Variants in DERA observed in about 807,000 individuals in gnomAD.
DERA encodes the protein deoxyribose-phosphate aldolase.
A neutral mutation model predicts 41.1 loss-of-function variants in DERA; 15 were observed. The observed-to-expected ratio is 0.37, with a 90% confidence interval of 0.24 to 0.56. The LOEUF is 0.56. DERA is among the 20% of genes least tolerant of loss of function. The probability of loss-of-function intolerance (pLI) is 0.81; values close to 1 mark genes in which losing one functional copy is unlikely to be tolerated. For missense variants in DERA, 396 were observed against 403.4 expected (o/e 0.98, Z 0.16); for synonymous variants, 139 against 137.4 (o/e 1.01, Z -0.08).
chr12:15,927,729 A>T (rs996723624), intron 1 of DERA, among the ~76,000 whole-genome samples: 1 of 152,324 alleles, frequency 6.6e-6, no homozygotes, highest in East Asian at 1.9e-4. Flanking sequence ...CAATCTGAAA[A>T]TTACTTTATA....
Position 15,958,237 on chromosome 12 carries a change from C to T in DERA, c.179C>T (p.Ser60Leu). 1 of 1,592,986 alleles carries T rather than the reference C, an allele frequency of 6.3e-7. No individual in the cohort carries two copies. The highest frequency in any genetic ancestry group is 8.6e-7 in the Non-Finnish European group (1 of 1,168,680). Reference protein sequence around the residue: ...AVTFIDLTTLSGDDTSSNIQR... With the variant: ...AVTFIDLTTLLGDDTSSNIQR... ...ACCTTTATAGATCTTACTACACTTT[C>T]AGGTGATGATACATCTTCCAACATT... The change falls in exon 3 of 9, where the codon TCA becomes TTA. Residue 60 changes from serine (S) to leucine (L), a missense_variant. By Grantham distance (145) the Ser-to-Leu change is moderately radical. Coordinates refer to ENST00000428559, the MANE Select transcript of DERA (RefSeq NM_015954.4).
chr12:15,930,903 G>A (rs1420876321), intron 1 of DERA, among the ~76,000 whole-genome samples: 3 of 152,090 alleles, frequency 2.0e-5, no homozygotes, highest in African/African-American at 7.2e-5. Context: ...GTAGTTTGTG[G>A]TAAGAGTAGG....
rs755679713 is a variant in DERA, at chr12:15,954,696, A to G, written c.32-2240A>G. 6.6e-6 allele frequency among the ~76,000 whole-genome samples: 1 copy of G among 152,110 alleles called. No individual in the cohort carries two copies. Among genetic ancestry groups the G allele is most frequent in the Non-Finnish European group, 1.5e-5 (1 of 68,022 alleles). The stretch of plus-strand genomic sequence containing the variant: ...GGAAGGAGCCAGATGGTGAAGGAAG[A>G]GGCTTGTGTTTGCCTGAGACCCCTC... On this transcript the variant is annotated intron_variant, in intron 1 of 8. Transcript: ENST00000428559. This position sits in a 1 kb window ranked among gnomAD's most constrained non-coding sequence, Gnocchi z 4.0.
chr12:15,995,812 GT>G lies in DERA; in HGVS notation c.637+13378del, dbSNP rs1383176741. Reference sequence around the variant, plus strand: ...AATTAGGAGGAGGAAAATCCTTGGGGTTGTAATATTATGTTCAAATACTTGG... The same window carrying G: ...AATTAGGAGGAGGAAAATCCTTGGGGTGTAATATTATGTTCAAATACTTGG... On this transcript the variant is annotated intron_variant, in intron 6 of 8. Transcript: ENST00000428559. The surrounding 1 kb of genome is among the most constrained non-coding windows in gnomAD (Gnocchi z 5.1). Among the ~76,000 whole-genome samples, 2 of 152,188 alleles carry G rather than the reference GT, an allele frequency of 1.3e-5. No individual in the cohort carries two copies. Among genetic ancestry groups the G allele is most frequent in the Non-Finnish European group, 2.9e-5 (2 of 68,034 alleles).
chr12:16,005,526 T>A (rs1948903595), intron 6 of DERA, among the ~76,000 whole-genome samples: 1 of 152,214 alleles, frequency 6.6e-6, no homozygotes, highest in African/African-American at 2.4e-5. Flanking sequence ...TATTTTCTGC[T>A]AAAACTGATT....
intron 6 of DERA, among the ~76,000 whole-genome samples, chr12:16,029,744 GGCTA>G: frequency 6.6e-6 from 1 of 151,810 alleles, no homozygotes; most frequent in Non-Finnish European, 1.5e-5. Context: ...GCTACTGCTG[GGCTA>G]CTGTTGCTGC....
rs1419842638 is a variant in DERA, at chr12:16,036,648, A to G, written c.901-42A>G. The stretch of plus-strand genomic sequence containing the variant: ...GTATAATTATTAACTGATGTGTATA[A>G]TTATAGAATGATTGTTAATTAAACT... On this transcript the variant is annotated intron_variant, in intron 8 of 8. Transcript: ENST00000428559. This position sits in a 1 kb window ranked among gnomAD's most constrained non-coding sequence, Gnocchi z 4.9. The G allele has an allele frequency of 7.1e-7, 1 of 1,413,178 alleles. No homozygotes were observed. 87.5% of individuals were successfully genotyped at this position (1,413,178 alleles called of 1,614,324 possible). A position where few individuals can be genotyped will look rare whatever the true frequency, so the allele number is the denominator to read the frequency against.
At chr12:15,950,042 G>T (rs1948485483) in intron 1 of DERA, among the ~76,000 whole-genome samples, 1 of 152,094 alleles carries the variant, frequency 6.6e-6, no homozygotes, top group Admixed American at 6.5e-5. Flanking sequence ...CCTTAGATAT[G>T]ACTGTTCACT....
Position 15,984,530 on chromosome 12 carries a change from C to T in DERA, c.637+2094C>T, listed in dbSNP as rs180753254. ...TTACCAGGTACATTGAAACAATATT[C>T]CTTCGTCCTCACATCAGTCCTGGAG... is the stretch of plus-strand genomic sequence containing the variant. On this transcript the variant is annotated intron_variant, in intron 6 of 8. Transcript: ENST00000428559. This position sits in a 1 kb window ranked among gnomAD's most constrained non-coding sequence, Gnocchi z 4.5. Among the ~76,000 whole-genome samples the T allele has an allele frequency of 2.9e-3, 445 of 152,226 alleles. 3 individuals carry two copies. The highest frequency in any genetic ancestry group is 3.7e-3 in the Non-Finnish European group (254 of 68,014).
At position 15,959,264 on chromosome 12, in the gene DERA, G is replaced by T. The variant is rs1417106614; in HGVS notation, c.278-565G>T. 6.6e-6 allele frequency among the ~76,000 whole-genome samples: 1 copy of T among 152,058 alleles called. No homozygotes were observed. Among genetic ancestry groups the T allele is most frequent in the African/African-American group, 2.4e-5 (1 of 41,432 alleles). On this transcript the variant is annotated intron_variant, in intron 3 of 8. Coordinates refer to ENST00000428559, the MANE Select transcript of DERA (RefSeq NM_015954.4). This position sits in a 1 kb window ranked among gnomAD's most constrained non-coding sequence, Gnocchi z 4.5. ...ACTTGATGTAAGGTCTTATGATATT[G>T]CTTTGTTTTATAGTGACTATTTGAA...
At chr12:16,015,489 C>T (rs1370011530) in intron 6 of DERA, among the ~76,000 whole-genome samples, 1 of 152,198 alleles carries the variant, frequency 6.6e-6, no homozygotes, top group East Asian at 1.9e-4. Flanking sequence ...TTTTCATCTT[C>T]TGTCATGATT....
At chr12:16,022,110 G>A (rs1295029319) in intron 6 of DERA, among the ~76,000 whole-genome samples, 2 of 152,226 alleles carry the variant, frequency 1.3e-5, no homozygotes, top group East Asian at 3.8e-4. Flanking sequence ...AATCCCCAAT[G>A]ATGGAGGCAG....
At position 15,957,073 on chromosome 12, in the gene DERA, A is replaced by C; in HGVS notation, c.129+40A>C. On this transcript the variant is annotated intron_variant, in intron 2 of 8. Transcript: ENST00000428559. The surrounding 1 kb of genome is among the most constrained non-coding windows in gnomAD (Gnocchi z 4.8). ...TGAGCATTCTGTGCCTGTATTTTAC[A>C]ATGCATGGTCTCTTCCCTCAAGGCC... 6.8e-7 allele frequency: 1 copy of C among 1,479,286 alleles called. No homozygotes were observed. The highest frequency in any genetic ancestry group is 9.4e-7 in the Non-Finnish European group (1 of 1,058,848). The allele number at this position is 1,479,286 out of a possible 1,614,324, so 91.6% of individuals were successfully genotyped here. A position where few individuals can be genotyped will look rare whatever the true frequency, so the allele number is the denominator to read the frequency against.
In DERA at chr12:15,940,840, G is replaced by A. The variant is rs908774091; in HGVS notation, c.32-16096G>A. Among the ~76,000 whole-genome samples the A allele has an allele frequency of 6.6e-5, 10 of 152,118 alleles. No individual in the cohort carries two copies. Among genetic ancestry groups the A allele is most frequent in the African/African-American group, 1.9e-4 (8 of 41,418 alleles). ...CTACTAATTTTTTGAGGTAGATACC[G>A]ATGCTTTTTAGCAGATTTAGGTCAT... is the stretch of plus-strand genomic sequence containing the variant. On this transcript the variant is annotated intron_variant, in intron 1 of 8. Coordinates refer to ENST00000428559, the MANE Select transcript of DERA (RefSeq NM_015954.4). The surrounding 1 kb of genome is among the most constrained non-coding windows in gnomAD (Gnocchi z 5.1).
Position 16,012,863 on chromosome 12 carries a change from A to C in DERA, c.638-19679A>C, listed in dbSNP as rs1948955896. On this transcript the variant is annotated intron_variant, in intron 6 of 8. Coordinates refer to ENST00000428559, the MANE Select transcript of DERA (RefSeq NM_015954.4). The surrounding 1 kb of genome is among the most constrained non-coding windows in gnomAD (Gnocchi z 4.1). The stretch of plus-strand genomic sequence containing the variant: ...AACAGTAATTATATTTTATTTAATA[A>C]ATCTGCAATATATCATTTTAATGTG... 6.6e-6 allele frequency among the ~76,000 whole-genome samples: 1 copy of C among 152,240 alleles called. No homozygotes were observed. The highest frequency in any genetic ancestry group is 1.5e-5 in the Non-Finnish European group (1 of 68,044).
At position 15,970,950 on chromosome 12, in the gene DERA, A is replaced by G. The variant is rs778557711; in HGVS notation, c.508+8003A>G. Among the ~76,000 whole-genome samples the G allele has an allele frequency of 2.0e-5, 3 of 152,240 alleles. No individual in the cohort carries two copies. Among genetic ancestry groups the G allele is most frequent in the African/African-American group, 7.2e-5 (3 of 41,468 alleles). On this transcript the variant is annotated intron_variant, in intron 5 of 8. Transcript: ENST00000428559. The surrounding 1 kb of genome is among the most constrained non-coding windows in gnomAD (Gnocchi z 4.3). ...TACCATCTTTATTCAGAAAGTCATT[A>G]TTTTTAGCAAAATGGGGCCAAGGCA...
At position 15,970,596 on chromosome 12, in the gene DERA, T is replaced by G. The variant is rs992278263; in HGVS notation, c.508+7649T>G. Among the ~76,000 whole-genome samples the G allele has an allele frequency of 6.6e-6, 1 of 152,144 alleles. No individual in the cohort carries two copies. Among genetic ancestry groups the G allele is most frequent in the Non-Finnish European group, 1.5e-5 (1 of 68,018 alleles). Reference sequence around the variant, plus strand: ...GTTTTTAAATTTTCATTTCTTTTTTTAAAATACACCATTCTATTTTTGAAA... The same window carrying G: ...GTTTTTAAATTTTCATTTCTTTTTTGAAAATACACCATTCTATTTTTGAAA... On this transcript the variant is annotated intron_variant, in intron 5 of 8. Transcript: ENST00000428559. This position sits in a 1 kb window ranked among gnomAD's most constrained non-coding sequence, Gnocchi z 4.3.
At position 15,995,115 on chromosome 12, in the gene DERA, A is replaced by G. The variant is rs537116636; in HGVS notation, c.637+12679A>G. Among the ~76,000 whole-genome samples, 4 of 152,316 alleles carry G rather than the reference A, an allele frequency of 2.6e-5. No homozygotes were observed. In the East Asian group the frequency reaches 7.7e-4, roughly 29 times the overall value. On this transcript the variant is annotated intron_variant, in intron 6 of 8. Transcript: ENST00000428559. This position sits in a 1 kb window ranked among gnomAD's most constrained non-coding sequence, Gnocchi z 5.1. ...ATCCTGCAATTGATCTGTATATCAG[A>G]TAATATTTATAAGCTGTGTTTAACT... is the stretch of plus-strand genomic sequence containing the variant.
At position 16,001,902 on chromosome 12, in the gene DERA, G is replaced by A. The variant is rs1489019694; in HGVS notation, c.637+19466G>A. On this transcript the variant is annotated intron_variant, in intron 6 of 8. Coordinates refer to ENST00000428559, the MANE Select transcript of DERA (RefSeq NM_015954.4). The surrounding 1 kb of genome is among the most constrained non-coding windows in gnomAD (Gnocchi z 4.1). ...AACAAACCCCGGTATGGACTTTTCA[G>A]ACAAAATACTGCTTTCTTTGCCTAA... Among the ~76,000 whole-genome samples the A allele has an allele frequency of 6.6e-6, 1 of 152,278 alleles. No homozygotes were observed. Among genetic ancestry groups the A allele is most frequent in the East Asian group, 1.9e-4 (1 of 5,184 alleles).
Sources: gnomAD v4.1 joint callset for allele counts (sites outside exome capture counted in the v4.1 genomes callset) on GRCh38, gnomAD v4.1.1 for gene constraint, Gnocchi (gnomAD v3.1) non-coding constraint, MANE v1.5 for transcripts, NCBI Gene and HGNC (gene_info 2026-07-23, HGNC 2026-07-21) for gene names.